The following TMEM108 variants were observed in gnomAD, a reference collection of about 807,000 sequenced individuals.
The protein encoded by TMEM108 is transmembrane protein 108, also known as cancer/testis antigen 124.
TMEM108 carries 12 observed loss-of-function variants against 35.1 expected under a neutral mutation model. That is an observed-to-expected ratio of 0.34 (90% confidence interval 0.22 to 0.55). TMEM108 has a LOEUF of 0.55. Among genes scored for constraint, TMEM108 ranks in the 20% least tolerant of loss-of-function variants. TMEM108 has a pLI of 0.89. For synonymous variants in TMEM108, 287 were observed against 308.6 expected (o/e 0.93, Z 0.73); for missense variants, 680 against 753.3 (o/e 0.90, Z 1.14).
chr3:133,131,161 A>G (rs1305231940), intron 2 of TMEM108, among the ~76,000 whole-genome samples: 1 of 152,162 alleles, frequency 6.6e-6, no homozygotes, highest in Non-Finnish European at 1.5e-5. Context: ...CTAAAAAGGG[A>G]AGGCAATTGC....
intron 2 of TMEM108, among the ~76,000 whole-genome samples, chr3:133,122,725 T>C (rs951137015): frequency 1.3e-5 from 2 of 151,874 alleles, no homozygotes. Flanking sequence ...TAGCTCGGTG[T>C]GGTTGCAGGT....
intron 2 of TMEM108, among the ~76,000 whole-genome samples, chr3:133,130,744 T>A (rs1170479363): frequency 6.6e-6 from 1 of 152,174 alleles, no homozygotes; most frequent in Admixed American, 6.5e-5. Context: ...TATTGGAAGA[T>A]ATAGACTGCT....
intron 2 of TMEM108, among the ~76,000 whole-genome samples, chr3:133,179,189 C>T (rs1202716419): frequency 8.6e-5 from 13 of 151,236 alleles, no homozygotes; most frequent in East Asian, 5.8e-4. Context: ...GAAATAGGAA[C>T]ACTTTTACAC....
At position 133,167,546 on chromosome 3, in the gene TMEM108, C is replaced by T. The variant is rs116065714; in HGVS notation, c.-46-61720C>T. Among the ~76,000 whole-genome samples the T allele has an allele frequency of 1.8e-3, 275 of 152,352 alleles. 1 individual carries two copies. The highest frequency in any genetic ancestry group is 6.1e-3 in the African/African-American group (253 of 41,578). On this transcript the variant is annotated intron_variant, in intron 2 of 5. Transcript: ENST00000321871. ...TCCCAAGCCCTGCCCCGCGGGGAGG[C>T]GGCTGAAGCCCAGCGAGAATTCGAG...
intron 2 of TMEM108, among the ~76,000 whole-genome samples, chr3:133,056,135 A>ATATTTTATATCTTATATCTTT (rs879667927): frequency 8.6e-5 from 13 of 151,828 alleles, no homozygotes; most frequent in African/African-American, 3.1e-4. Flanking sequence ...TTATTTCCAG[A>ATATTTTATATCTTATATCTTT]GTTCTATGGT....
At chr3:133,162,066 A>G (rs981603058) in intron 2 of TMEM108, among the ~76,000 whole-genome samples, 1 of 152,176 alleles carries the variant, frequency 6.6e-6, no homozygotes, top group Non-Finnish European at 1.5e-5. Context: ...TAGGGAACTG[A>G]TTAAAGATAT....
intron 3 of TMEM108, among the ~76,000 whole-genome samples, chr3:133,307,356 G>T (rs1171783419): frequency 6.6e-6 from 1 of 152,100 alleles, no homozygotes. Context: ...TCTTTGCCGT[G>T]CAGAAGCTCT....
At chr3:133,244,099 CG>C (rs1243330003) in intron 3 of TMEM108, among the ~76,000 whole-genome samples, 1 of 152,116 alleles carries the variant, frequency 6.6e-6, no homozygotes, top group Admixed American at 6.5e-5. Context: ...ATTATAATCT[CG>C]GATCTCTCAG....
intron 2 of TMEM108, among the ~76,000 whole-genome samples, chr3:133,168,564 A>G (rs1316138779): frequency 1.3e-5 from 2 of 152,176 alleles, no homozygotes; most frequent in African/African-American, 4.8e-5. Context: ...CTTGGTAAAA[A>G]AAGGACCAAT....
chr3:133,098,757 T>A (rs1349407052), intron 2 of TMEM108, among the ~76,000 whole-genome samples: 1 of 152,164 alleles, frequency 6.6e-6, no homozygotes. Context: ...CAAAACGATC[T>A]CCTTTGACTC....
intron 3 of TMEM108, chr3:133,303,173 A>G (rs1474126272): frequency 6.6e-6 from 1 of 152,162 alleles, no homozygotes; most frequent in Non-Finnish European, 1.5e-5. Flanking sequence ...ACATATCTCA[A>G]TAATAATCAC....
chr3:133,207,442 C>G (rs1188020270), intron 2 of TMEM108, among the ~76,000 whole-genome samples: 4 of 152,050 alleles, frequency 2.6e-5, no homozygotes, highest in Admixed American at 6.6e-5. Context: ...CTTGCCAGCC[C>G]TCCCCTGGAC....
intron 3 of TMEM108, among the ~76,000 whole-genome samples, chr3:133,354,032 T>C (rs1056273189): frequency 1.3e-5 from 2 of 152,214 alleles, no homozygotes; most frequent in African/African-American, 2.4e-5. Flanking sequence ...AGCATGGACT[T>C]TCACAGGTGG....
At chr3:133,302,421 T>TC (rs1947241162) in intron 3 of TMEM108, among the ~76,000 whole-genome samples, 4 of 144,342 alleles carry the variant, frequency 2.8e-5, no homozygotes, top group Admixed American at 6.9e-5. Flanking sequence ...CTTTCTTTTT[T>TC]TTTTTTTTTT....
Position 133,371,613 on chromosome 3 carries a change from C to CAAAAAAAAAAAAA in TMEM108, c.41-8125_41-8113dup, listed in dbSNP as rs3054624. On this transcript the variant is annotated intron_variant, in intron 3 of 5. Coordinates refer to ENST00000321871, the MANE Select transcript of TMEM108 (RefSeq NM_023943.4). The stretch of plus-strand genomic sequence containing the variant: ...ATCACTGCAGCCAGTCACAAACCCA[C>CAAAAAAAAAAAAA]AAAAAAAAAAAAAAAAAAAAAAAAA... Among the ~76,000 whole-genome samples, 49 of 78,096 alleles carry CAAAAAAAAAAAAA rather than the reference C, an allele frequency of 6.3e-4. 5 individuals are homozygous for CAAAAAAAAAAAAA. Among genetic ancestry groups the CAAAAAAAAAAAAA allele is most frequent in the African/African-American group, 2.7e-3 (46 of 16,946 alleles). 51.2% of individuals were successfully genotyped at this position (78,096 alleles called of 152,430 possible). A position where few individuals can be genotyped will look rare whatever the true frequency, so the allele number is the denominator to read the frequency against.
At chr3:133,083,443 T>G (rs561617821) in intron 2 of TMEM108, among the ~76,000 whole-genome samples, 36 of 152,294 alleles carry the variant, frequency 2.4e-4, no homozygotes, top group Admixed American at 1.2e-3. Flanking sequence ...TTTCTCCTTT[T>G]TAGATGTTTT....
chr3:133,379,929 C>T lies in TMEM108; in HGVS notation c.218C>T (p.Pro73Leu), dbSNP rs758631335. 1.2e-5 allele frequency: 20 copies of T among 1,613,624 alleles called. No homozygotes were observed. The highest frequency in any genetic ancestry group is 1.7e-5 in the Non-Finnish European group (20 of 1,179,864). Residue 73 changes from proline to leucine, a missense_variant, in exon 4 of 6, where the codon CCC (proline) becomes CTC (leucine). Transcript: ENST00000321871. ...ATGCTGACCCCCAATCCCGATGGACCCCCCTCACAGGCTGCAGCTCCCATG... is the reference window on the plus strand; with the variant it reads ...ATGCTGACCCCCAATCCCGATGGACTCCCCTCACAGGCTGCAGCTCCCATG... ...VVMLTPNPDGPPSQAAAPMAT... is the reference protein window; with the variant it reads ...VVMLTPNPDGLPSQAAAPMAT...
In TMEM108 at chr3:133,272,507, A is replaced by T. The variant is rs187461487; in HGVS notation, c.40+43156A>T. ...AGCCAGGGATGCTAAAGGACTGCCCAAAGTCACGCAGCTAACCACGGGCAG... is the reference window on the plus strand; with the variant it reads ...AGCCAGGGATGCTAAAGGACTGCCCTAAGTCACGCAGCTAACCACGGGCAG... On this transcript the variant is annotated intron_variant, in intron 3 of 5. Transcript: ENST00000321871. Among the ~76,000 whole-genome samples the T allele has an allele frequency of 7.9e-5, 12 of 152,266 alleles. No individual in the cohort carries two copies. In the East Asian group the frequency reaches 2.3e-3, roughly 29 times the overall value.
chr3:133,344,646 G>A (rs1213035440), intron 3 of TMEM108, among the ~76,000 whole-genome samples: 1 of 151,678 alleles, frequency 6.6e-6, no homozygotes, highest in East Asian at 1.9e-4. Context: ...TCACACTTAT[G>A]AATTATCCAG....
Sources: allele counts gnomAD v4.1 joint callset (sites outside exome capture counted in the v4.1 genomes callset), GRCh38; gene constraint gnomAD v4.1.1; transcripts MANE v1.5; gene names NCBI Gene and HGNC (gene_info 2026-07-23, HGNC 2026-07-21).